SEMA6A: variants seen among roughly 807,000 people sequenced by gnomAD.
SEMA6A encodes semaphorin-6A.
A neutral mutation model predicts 96.8 loss-of-function variants in SEMA6A; 25 were observed. The ratio of observed to expected loss-of-function variants is 0.26; its 90% confidence interval spans 0.19 to 0.36. The LOEUF (loss-of-function observed/expected upper bound fraction) is 0.36, where lower values mean the gene tolerates loss of function less well. Ranked by LOEUF, SEMA6A falls within the 10% of genes least tolerant of loss-of-function variation. The probability of loss-of-function intolerance (pLI) is 1.00; values close to 1 mark genes in which losing one functional copy is unlikely to be tolerated. For synonymous variants in SEMA6A, 612 were observed against 518.0 expected, an observed-to-expected ratio of 1.18 and a Z score of -2.46; for missense variants, 1,363 against 1,323.1, an observed-to-expected ratio of 1.03 and a Z score of -0.47.
At chr5:116,470,348 A>T (rs541100636) in intron 17 of SEMA6A, among the ~76,000 whole-genome samples, 1 of 152,252 alleles carries the variant, frequency 6.6e-6, no homozygotes, top group African/African-American at 2.4e-5. Flanking sequence ...TCATATGTCA[A>T]TAGATTTGGA....
intron 18 of SEMA6A, 103 bp from the exon 19 acceptor site, chr5:116,447,914 A>T (rs1754356097): frequency 1.1e-6 from 1 of 912,838 alleles, no homozygotes; most frequent in African/African-American, 1.7e-5. Flanking sequence ...GTAAGTGACA[A>T]CAGCACCTCT....
At chr5:116,482,159 C>T (rs1369741331) in intron 11 of SEMA6A, among the ~76,000 whole-genome samples, 1 of 152,214 alleles carries the variant, frequency 6.6e-6, no homozygotes, top group Non-Finnish European at 1.5e-5. Flanking sequence ...TTTACCTCTC[C>T]AGGCCTCAGT....
At chr5:116,477,726 C>T (rs746637394) in intron 15 of SEMA6A, 120 bp downstream of exon 15, 4 of 947,460 alleles carry the variant, frequency 4.2e-6, no homozygotes, top group African/African-American at 1.6e-5. Context: ...CTGACAGTCC[C>T]GTTGCTGGAG....
At chr5:116,457,883 C>T (rs747007673) in intron 18 of SEMA6A, among the ~76,000 whole-genome samples, 5 of 152,098 alleles carry the variant, frequency 3.3e-5, no homozygotes, top group Non-Finnish European at 7.4e-5. Flanking sequence ...AACAAATGAA[C>T]ACACCTTTTT....
chr5:116,554,908 G>C (rs1434638940), intron 1 of SEMA6A: 1 of 152,206 alleles, frequency 6.6e-6, no homozygotes, highest in African/African-American at 2.4e-5. Context: ...AGATTGTCAG[G>C]AGGGTGCCAA....
chr5:116,570,670 TAA>T (rs1319826051), intron 1 of SEMA6A, among the ~76,000 whole-genome samples: 1 of 152,170 alleles, frequency 6.6e-6, no homozygotes, highest in Non-Finnish European at 1.5e-5. Context: ...AATCTAGTTC[TAA>T]AAAAACTTTC....
intron 3 of SEMA6A, chr5:116,498,898 T>C (rs1757740448): frequency 6.6e-6 from 1 of 152,200 alleles, no homozygotes; most frequent in East Asian, 1.9e-4. Context: ...CTGATTAATA[T>C]GCATTGGCAG....
chr5:116,514,294 G>A (rs1758563651), intron 1 of SEMA6A, among the ~76,000 whole-genome samples: 2 of 152,086 alleles, frequency 1.3e-5, no homozygotes, highest in Non-Finnish European at 2.9e-5. Flanking sequence ...GCTAGTATCT[G>A]TCGTTTTTTT....
At chr5:116,547,320 G>A (rs1266228171) in intron 1 of SEMA6A, among the ~76,000 whole-genome samples, 1 of 152,072 alleles carries the variant, frequency 6.6e-6, no homozygotes, top group Non-Finnish European at 1.5e-5. Flanking sequence ...CATCTTTATT[G>A]AATTGCTAGC....
chr5:116,489,242 C>T (rs1471792990), intron 7 of SEMA6A, among the ~76,000 whole-genome samples: 4 of 151,900 alleles, frequency 2.6e-5, no homozygotes, highest in South Asian at 2.1e-4. Context: ...TTTTTTTAAG[C>T]GGCAGCAGCA....
chr5:116,505,140 G>A (rs1025826703), intron 1 of SEMA6A, among the ~76,000 whole-genome samples, 158 bp from the exon 2 acceptor site: 1 of 152,082 alleles, frequency 6.6e-6, no homozygotes, highest in East Asian at 1.9e-4. Context: ...ACTTGTACCC[G>A]TTACCTACTG....
At chr5:116,526,474 T>G (rs1429857210) in intron 1 of SEMA6A, among the ~76,000 whole-genome samples, 3 of 152,156 alleles carry the variant, frequency 2.0e-5, no homozygotes, top group Non-Finnish European at 2.9e-5. Context: ...GTTTGATTGG[T>G]AAACAAACGG....
intron 1 of SEMA6A, among the ~76,000 whole-genome samples, chr5:116,533,182 A>T (rs1216628593): frequency 1.3e-5 from 2 of 152,194 alleles, no homozygotes; most frequent in African/African-American, 4.8e-5. Flanking sequence ...CTGTACAACT[A>T]AATACACACA....
intron 16 of SEMA6A, among the ~76,000 whole-genome samples, chr5:116,474,138 C>T (rs1201757291): frequency 6.6e-6 from 1 of 152,156 alleles, no homozygotes; most frequent in Non-Finnish European, 1.5e-5. Flanking sequence ...ACCATCTTTA[C>T]ATGTTTCACG....
intron 1 of SEMA6A, among the ~76,000 whole-genome samples, chr5:116,563,632 C>T (rs1322656916): frequency 1.3e-5 from 2 of 152,188 alleles, no homozygotes; most frequent in Non-Finnish European, 2.9e-5. Context: ...TCTTAAGCTA[C>T]GTGTGCAATG....
intron 1 of SEMA6A, among the ~76,000 whole-genome samples, chr5:116,544,468 A>T (rs1009455813): frequency 2.5e-4 from 35 of 138,928 alleles, no homozygotes; most frequent in African/African-American, 1.0e-3. Context: ...ATTTTTGAAT[A>T]TTTTTTTTTT....
intron 1 of SEMA6A, among the ~76,000 whole-genome samples, chr5:116,560,154 A>AGGTCT (rs1401514308): frequency 6.6e-6 from 1 of 152,002 alleles, no homozygotes; most frequent in African/African-American, 2.4e-5. Flanking sequence ...AAATACGGAG[A>AGGTCT]CCTCACTCCG....
At position 116,503,805 on chromosome 5, in the gene SEMA6A, G is replaced by A. The variant is rs79455947; in HGVS notation, c.100+1040C>T. Among the ~76,000 whole-genome samples, 1,004 of 152,108 alleles carry A rather than the reference G, an allele frequency of 6.6e-3. 4 individuals are homozygous for A. The highest frequency in any genetic ancestry group is 0.014 in the Middle Eastern group (4 of 294). ...GCTGGGATTACAGGCGTAAGCCACC[G>A]CGCCCTGCCCTGGAGTCCCTTCTAT... On this transcript the variant is annotated intron_variant, in intron 2 of 18. Coordinates refer to ENST00000343348, the MANE Select transcript of SEMA6A (RefSeq NM_020796.5).
chr5:116,547,542 T>C (rs1760232773), intron 1 of SEMA6A, among the ~76,000 whole-genome samples: 1 of 151,298 alleles, frequency 6.6e-6, no homozygotes, highest in African/African-American at 2.4e-5. Context: ...TTTTTAACTA[T>C]TTCATTAATA....
Sources: allele counts gnomAD v4.1 joint callset (sites outside exome capture counted in the v4.1 genomes callset), GRCh38; gene constraint gnomAD v4.1.1; transcripts MANE v1.5; gene names NCBI Gene and HGNC (gene_info 2026-07-23, HGNC 2026-07-21).